The following KIT variants were observed in gnomAD, a reference collection of about 807,000 sequenced individuals.
KIT encodes KIT proto-oncogene, receptor tyrosine kinase.
KIT carries 16 observed loss-of-function variants against 105.7 expected under a neutral mutation model. That is an observed-to-expected ratio of 0.15 (90% CI 0.10 to 0.23). KIT has a LOEUF of 0.23. Ranked by LOEUF, KIT falls within the 10% of genes least tolerant of loss-of-function variation. The probability of loss-of-function intolerance (pLI) is 1.00; values close to 1 mark genes in which losing one functional copy is unlikely to be tolerated. For synonymous variants in KIT, 438 were observed against 441.1 expected (o/e 0.99, Z 0.09); for missense variants, 858 against 1,213.8 (o/e 0.71, Z 4.36).
chr4:54,663,351 A>G (rs1472027490), intron 1 of KIT, among the ~76,000 whole-genome samples: 3 of 152,260 alleles, frequency 2.0e-5, no homozygotes, highest in Non-Finnish European at 4.4e-5. Flanking sequence ...AGATGATGAC[A>G]TAGGGCCCCT....
At position 54,739,071 on chromosome 4, in the gene KIT, A is replaced by C. The variant is rs758036290; in HGVS notation, c.*514A>C. Reference sequence around the variant, plus strand: ...AATCTAGTATTTCATGCTGGGAATGAGACATAGGCCATGAAAAAAATGATC... The same window carrying C: ...AATCTAGTATTTCATGCTGGGAATGCGACATAGGCCATGAAAAAAATGATC... On this transcript the variant is annotated 3_prime_UTR_variant, in exon 21 of 21. Transcript: ENST00000288135. 1.1e-4 allele frequency: 44 copies of C among 412,488 alleles called. No homozygotes were observed. The highest frequency in any genetic ancestry group is 6.2e-4 in the Middle Eastern group (1 of 1,612). The allele number at this position is 412,488 out of a possible 1,614,324, so 25.6% of individuals were successfully genotyped here.
intron 15 of KIT, 69 bp downstream of exon 15, chr4:54,731,488 A>AT: frequency 5.8e-6 from 6 of 1,038,904 alleles, no homozygotes; most frequent in Non-Finnish European, 7.6e-6. Context: ...CTAATGTGGA[A>AT]TATAACATCA....
At chr4:54,737,308 T>G (rs1351778835) in intron 20 of KIT, 28 bp downstream of exon 20, 1 of 1,403,504 alleles carries the variant, frequency 7.1e-7, no homozygotes, top group East Asian at 2.3e-5. Context: ...AGGCATAGAA[T>G]CCCCCTTCTC....
chr4:54,674,906 G>T (rs1293388210), intron 1 of KIT, among the ~76,000 whole-genome samples: 1 of 152,178 alleles, frequency 6.6e-6, no homozygotes, highest in African/African-American at 2.4e-5. Flanking sequence ...CTGAAGGAGA[G>T]AGTGCTATTT....
In KIT at chr4:54,699,567, G is replaced by T. The variant is rs915382390; in HGVS notation, c.620-63G>T. 5.1e-6 allele frequency: 8 copies of T among 1,580,510 alleles called. No homozygotes were observed. The Admixed American group carries it at 1.2e-4, about 23-fold the overall frequency. ...AGCTGTACACATTTGAGGAGAAATG[G>T]TAAATCAAAATTTCATGCTATAATA... On this transcript the variant is annotated intron_variant, in intron 3 of 20. Transcript: ENST00000288135.
Position 54,728,043 on chromosome 4 carries a change from A to G in KIT, c.1912A>G (p.Met638Val), listed in dbSNP as rs1177837541. Residue 638 changes from methionine to valine, a missense_variant, in exon 13 of 21, where the codon ATG becomes GTG. Met to Val is a conservative substitution (Grantham distance 21). Transcript: ENST00000288135. ...CCATTTGACAGAACGGGAAGCCCTC[A>G]TGTCTGAACTCAAAGTCCTGAGTTA... is the stretch of plus-strand genomic sequence containing the variant. ...SAHLTEREALMSELKVLSYLG... is the reference protein window; with the variant it reads ...SAHLTEREALVSELKVLSYLG... 2 of 1,613,974 alleles carry G rather than the reference A, an allele frequency of 1.2e-6. No homozygotes were observed. Among genetic ancestry groups the G allele is most frequent in the Non-Finnish European group, 8.5e-7 (1 of 1,179,998 alleles).
intron 13 of KIT, among the ~76,000 whole-genome samples, chr4:54,728,544 C>T (rs1351766774): frequency 6.6e-6 from 1 of 152,168 alleles, no homozygotes; most frequent in Non-Finnish European, 1.5e-5. Context: ...AAACATTTCA[C>T]TTCTCTAAAA....
At chr4:54,716,059 A>G (rs1467849805) in intron 7 of KIT, among the ~76,000 whole-genome samples, 1 of 152,178 alleles carries the variant, frequency 6.6e-6, no homozygotes, top group Non-Finnish European at 1.5e-5. Flanking sequence ...GACCTTTCAA[A>G]CACATGCGCG....
At chr4:54,704,818 TGCG>T (rs1720682247) in intron 5 of KIT, among the ~76,000 whole-genome samples, 1 of 152,166 alleles carries the variant, frequency 6.6e-6, no homozygotes, top group African/African-American at 2.4e-5. Flanking sequence ...AATAAAGTGA[TGCG>T]GTATTTGTTT....
intron 1 of KIT, among the ~76,000 whole-genome samples, chr4:54,692,470 G>A (rs1719778364): frequency 1.3e-5 from 2 of 152,118 alleles, no homozygotes; most frequent in Non-Finnish European, 2.9e-5. Context: ...AGGAAGTCAA[G>A]GATGTTTATT....
intron 9 of KIT, 59 bp from the exon 10 acceptor site, chr4:54,727,159 C>A (rs2109773138): frequency 7.0e-7 from 1 of 1,431,048 alleles, no homozygotes. Flanking sequence ...GACTGAGTGG[C>A]TGTGGTAGAG....
rs1722197919 is a variant in KIT at position 54,726,047 on chromosome 4, A to C, written c.1537A>C (p.Lys513Gln). The stretch of plus-strand genomic sequence containing the variant: ...TAACTTTGCATTTAAAGGTAACAAC[A>C]AAGGTATATTTCTTTTTAATCCAAT... ...YFNFAFKGNN[K>Q]EQIHPHTLFT... Residue 513 changes from lysine (K) to glutamine (Q), a missense_variant, in exon 9 of 21, where the codon AAA becomes CAA. Physicochemically the swap from Lys to Gln is moderately conservative, Grantham distance 53. This residue lies in a region of KIT where 401 missense variants were observed against 601.0 expected (regional missense o/e 0.67). Coordinates refer to ENST00000288135, the MANE Select transcript of KIT (RefSeq NM_000222.3). The C allele has an allele frequency of 6.2e-7, 1 of 1,612,656 alleles. No individual in the cohort carries two copies. Among genetic ancestry groups the C allele is most frequent in the African/African-American group, 1.3e-5 (1 of 74,904 alleles).
chr4:54,678,426 CCTTCT>C (rs1376632952), intron 1 of KIT, among the ~76,000 whole-genome samples: 6 of 147,270 alleles, frequency 4.1e-5, no homozygotes, highest in East Asian at 2.1e-4. Context: ...TGCCTTACCC[CCTTCT>C]CTTCTCTTCT....
In KIT at chr4:54,739,831, G is replaced by T; in HGVS notation, c.*1274G>T. 1 of 233,482 alleles carries T rather than the reference G, an allele frequency of 4.3e-6. No homozygotes were observed. The highest frequency in any genetic ancestry group is 8.5e-6 in the Non-Finnish European group (1 of 117,960). 14.5% of individuals were successfully genotyped at this position (233,482 alleles called of 1,614,324 possible). On this transcript the variant is annotated 3_prime_UTR_variant, in exon 21 of 21. Coordinates refer to ENST00000288135, the MANE Select transcript of KIT (RefSeq NM_000222.3). ...TAGCTTACCAGAAGCTTCCATAGTGGTGCAGAGGAAGTGGAAGGCATCAGT... is the reference window on the plus strand; with the variant it reads ...TAGCTTACCAGAAGCTTCCATAGTGTTGCAGAGGAAGTGGAAGGCATCAGT...
chr4:54,735,172 C>A (rs891289272), intron 17 of KIT, among the ~76,000 whole-genome samples: 2 of 152,016 alleles, frequency 1.3e-5, no homozygotes, highest in African/African-American at 4.8e-5. Flanking sequence ...TAAAGAAATG[C>A]TAAATTTCAT....
At chr4:54,694,012 C>G (rs1362459112) in intron 1 of KIT, among the ~76,000 whole-genome samples, 1 of 152,208 alleles carries the variant, frequency 6.6e-6, no homozygotes, top group African/African-American at 2.4e-5. Flanking sequence ...TGGGATCTCA[C>G]TATGCATGTC....
chr4:54,708,812 G>T (rs1219053691), intron 6 of KIT, among the ~76,000 whole-genome samples: 1 of 152,148 alleles, frequency 6.6e-6, no homozygotes, highest in Non-Finnish European at 1.5e-5. Context: ...CGGAGCCCCT[G>T]CCAGTAACCC....
At chr4:54,661,073 G>T (rs1315882108) in intron 1 of KIT, among the ~76,000 whole-genome samples, 1 of 152,150 alleles carries the variant, frequency 6.6e-6, no homozygotes, top group Non-Finnish European at 1.5e-5. Flanking sequence ...ATTCCAGTTA[G>T]CGTCCCTCAG....
intron 1 of KIT, among the ~76,000 whole-genome samples, chr4:54,695,074 A>G (rs1180506792): frequency 2.0e-5 from 3 of 152,220 alleles, no homozygotes; most frequent in Non-Finnish European, 4.4e-5. Context: ...AAGCTATTCT[A>G]TGTCATGGTC....
Sources: gnomAD v4.1 joint callset for allele counts (sites outside exome capture counted in the v4.1 genomes callset) on GRCh38, gnomAD v4.1.1 for gene constraint, gnomAD v4.1.1 regional missense constraint, MANE v1.5 for transcripts, NCBI Gene and HGNC (gene_info 2026-07-23, HGNC 2026-07-21) for gene names.